Variants in INPP5D observed in about 807,000 individuals in gnomAD.
INPP5D encodes the protein inositol polyphosphate-5-phosphatase D.
INPP5D carries 33 observed loss-of-function variants against 122.9 expected under a neutral mutation model. The observed-to-expected ratio is 0.27, with a 90% CI of 0.20 to 0.36. The LOEUF (loss-of-function observed/expected upper bound fraction) is 0.36, where lower values mean the gene tolerates loss of function less well. INPP5D is among the 10% of genes least tolerant of loss of function. INPP5D has a pLI of 1.00. For missense variants in INPP5D, 1,053 were observed against 1,412.7 expected (o/e 0.75, Z 4.08); for synonymous variants, 584 against 576.2 (o/e 1.01, Z -0.19).
intron 2 of INPP5D, among the ~76,000 whole-genome samples, chr2:233,091,193 CA>C (rs1691984754): frequency 6.6e-6 from 1 of 152,196 alleles, no homozygotes; most frequent in Non-Finnish European, 1.5e-5. Context: ...AGGATTCCTC[CA>C]AGGCCTTTTC....
chr2:233,150,599 T>G (rs149444155), intron 9 of INPP5D, among the ~76,000 whole-genome samples: 2 of 152,264 alleles, frequency 1.3e-5, no homozygotes, highest in South Asian at 4.1e-4. Context: ...AAACTTAAGA[T>G]TGAAAGAAAC....
intron 1 of INPP5D, among the ~76,000 whole-genome samples, chr2:233,064,062 C>T (rs1224980046): frequency 6.6e-6 from 1 of 152,272 alleles, no homozygotes; most frequent in Non-Finnish European, 1.5e-5. Flanking sequence ...GAGCCGGCAT[C>T]CCCTTGTGCA....
At chr2:233,067,342 C>G (rs1278759507) in intron 1 of INPP5D, among the ~76,000 whole-genome samples, 1 of 152,220 alleles carries the variant, frequency 6.6e-6, no homozygotes, top group Admixed American at 6.5e-5. Flanking sequence ...GAGCACAATG[C>G]TGTCAAGCTT....
At chr2:233,166,877 G>C (rs1398203611) in intron 13 of INPP5D, among the ~76,000 whole-genome samples, 1 of 152,072 alleles carries the variant, frequency 6.6e-6, no homozygotes, top group Non-Finnish European at 1.5e-5. Context: ...CCAGCTGCTT[G>C]GGAGGCTGAG....
intron 2 of INPP5D, among the ~76,000 whole-genome samples, chr2:233,118,498 G>A (rs764284806): frequency 9.9e-5 from 15 of 152,182 alleles, no homozygotes; most frequent in Non-Finnish European, 7.3e-5. Flanking sequence ...TGCTTTGAAC[G>A]TAAGTTCTCT....
intron 23 of INPP5D, among the ~76,000 whole-genome samples, chr2:233,194,832 T>G (rs1053506974): frequency 6.8e-6 from 1 of 146,998 alleles, no homozygotes; most frequent in African/African-American, 2.5e-5. Flanking sequence ...GAGACAGTCT[T>G]ACTCTGTAGC....
chr2:233,104,925 C>T (rs1692424150), intron 2 of INPP5D, among the ~76,000 whole-genome samples: 1 of 152,160 alleles, frequency 6.6e-6, no homozygotes, highest in Non-Finnish European at 1.5e-5. Context: ...GGTGTGGTTT[C>T]AGGTGAAGTC....
intron 26 of INPP5D, chr2:233,204,934 C>A (rs992522544): frequency 1.2e-5 from 8 of 693,492 alleles, no homozygotes; most frequent in Non-Finnish European, 1.8e-5. Flanking sequence ...GTCTGCCTGT[C>A]CCACACATCC....
chr2:233,181,751 G>C (rs1694790343), intron 18 of INPP5D, among the ~76,000 whole-genome samples: 1 of 152,154 alleles, frequency 6.6e-6, no homozygotes, highest in African/African-American at 2.4e-5. Context: ...CCACCGATGA[G>C]CTGAGTGGCC....
rs2106208958 is a variant in INPP5D, at chr2:233,078,652, CA to C, written c.135-680del. 6.6e-6 allele frequency among the ~76,000 whole-genome samples: 1 copy of C among 152,090 alleles called. No individual in the cohort carries two copies. Among genetic ancestry groups the C allele is most frequent in the African/African-American group, 2.4e-5 (1 of 41,460 alleles). ...GCCCACTGGAGTCGTGTTTCTTCTT[CA>C]AACACCCCCTCTTTTTTGTTGTTTT... On this transcript the variant is annotated intron_variant, in intron 1 of 26. Coordinates refer to ENST00000445964, the MANE Select transcript of INPP5D (RefSeq NM_001017915.3). This position sits in a 1 kb window ranked among gnomAD's most constrained non-coding sequence, Gnocchi z 4.6.
chr2:233,203,058 C>T (rs767283366), intron 25 of INPP5D, among the ~76,000 whole-genome samples: 22 of 152,154 alleles, frequency 1.4e-4, no homozygotes, highest in Non-Finnish European at 2.6e-4. Flanking sequence ...ACCGGGATGT[C>T]GGGCCCCCTG....
chr2:233,132,467 T>A (rs1308300459), intron 5 of INPP5D, among the ~76,000 whole-genome samples: 1 of 152,244 alleles, frequency 6.6e-6, no homozygotes, highest in Non-Finnish European at 1.5e-5. Flanking sequence ...AGCTTCTAGC[T>A]GCTCCATGAC....
rs192196528 is a variant in INPP5D at position 233,204,310 on chromosome 2, G to C, written c.3160G>C (p.Gly1054Arg). The C allele has an allele frequency of 1.2e-6, 2 of 1,612,096 alleles. No homozygotes were observed. The highest frequency in any genetic ancestry group is 2.2e-5 in the South Asian group (2 of 90,908). Residue 1054 changes from glycine (G) to arginine (R), a missense_variant, in exon 26 of 27, where the codon GGC (glycine) becomes CGC (arginine). Gly to Arg is a moderately radical substitution (Grantham distance 125). Coordinates refer to ENST00000445964, the MANE Select transcript of INPP5D (RefSeq NM_001017915.3). ...RKEPPPCPEP[G>R]ILSPSIVLTK... is the part of the protein sequence containing the mutation. ...GGAACCCCCGCCCTGCCCGGAACCC[G>C]GCATCTTGTCGCCCAGCATCGTGCT...
chr2:233,198,141 A>G lies in INPP5D; in HGVS notation c.2740A>G (p.Asn914Asp), dbSNP rs529167177. Residue 914 changes from asparagine to aspartate, a missense_variant, in exon 25 of 27, where the codon AAC becomes GAC. Physicochemically the swap from Asn to Asp is conservative, Grantham distance 23 (BLOSUM62 1). Transcript: ENST00000445964. Reference protein sequence around the residue: ...GSSITEIINPNYMGVGPFGPP... With the variant: ...GSSITEIINPDYMGVGPFGPP... The stretch of plus-strand genomic sequence containing the variant: ...CAGCATCACTGAAATCATCAACCCC[A>G]ACTACATGGGAGTGGGGCCCTTTGG... The G allele has an allele frequency of 1.2e-6, 2 of 1,612,988 alleles. No homozygotes were observed. Among genetic ancestry groups the G allele is most frequent in the African/African-American group, 1.3e-5 (1 of 74,988 alleles).
intron 25 of INPP5D, among the ~76,000 whole-genome samples, chr2:233,201,197 A>G (rs1327801941): frequency 1.3e-5 from 2 of 152,172 alleles, no homozygotes; most frequent in African/African-American, 4.8e-5. Context: ...ATATGAGGAC[A>G]AAAGGCACTA....
chr2:233,107,998 C>T lies in INPP5D; in HGVS notation c.199-14109C>T, dbSNP rs1276112246. Among the ~76,000 whole-genome samples the T allele has an allele frequency of 2.6e-5, 4 of 152,160 alleles. No individual in the cohort carries two copies. The East Asian group carries it at 5.8e-4, about 22-fold the overall frequency. On this transcript the variant is annotated intron_variant, in intron 2 of 26. Coordinates refer to ENST00000445964, the MANE Select transcript of INPP5D (RefSeq NM_001017915.3). Reference sequence around the variant, plus strand: ...GACCATGCCTGGGAGAGGCCAGTGGCGGCTGGACCTTGCCCAGAGATAGCC... The same window carrying T: ...GACCATGCCTGGGAGAGGCCAGTGGTGGCTGGACCTTGCCCAGAGATAGCC...
intron 4 of INPP5D, among the ~76,000 whole-genome samples, chr2:233,129,036 T>C (rs1046563099): frequency 2.6e-5 from 4 of 152,098 alleles, no homozygotes; most frequent in Admixed American, 2.6e-4. Flanking sequence ...TCTGGTGGCA[T>C]GTGCCTGTGG....
intron 2 of INPP5D, among the ~76,000 whole-genome samples, chr2:233,108,846 T>TG (rs1692532473): frequency 6.6e-6 from 1 of 152,216 alleles, no homozygotes; most frequent in Non-Finnish European, 1.5e-5. Flanking sequence ...CCAGGGTCAC[T>TG]GTCCCAGCCT....
intron 2 of INPP5D, among the ~76,000 whole-genome samples, chr2:233,116,831 G>A (rs1692814180): frequency 6.6e-6 from 1 of 151,992 alleles, no homozygotes; most frequent in Non-Finnish European, 1.5e-5. Flanking sequence ...TGCTGACCTC[G>A]TGATCCACCC....
Sources: allele counts gnomAD v4.1 joint callset (sites outside exome capture counted in the v4.1 genomes callset), GRCh38; gene constraint gnomAD v4.1.1; non-coding constraint Gnocchi (gnomAD v3.1); transcripts MANE v1.5; gene names NCBI Gene and HGNC (gene_info 2026-07-23, HGNC 2026-07-21).